The following UBL3 variants were observed in gnomAD, a reference collection of about 807,000 sequenced individuals.
UBL3 encodes ubiquitin-like protein 3.
UBL3 carries 6 observed loss-of-function variants against 18.4 expected under a neutral mutation model. The ratio of observed to expected loss-of-function variants is 0.33; its 90% CI spans 0.18 to 0.64. The LOEUF (loss-of-function observed/expected upper bound fraction) is 0.64, where lower values mean the gene tolerates loss of function less well. UBL3 is among the 30% of genes least tolerant of loss of function. UBL3 has a pLI of 0.76. For missense variants in UBL3, 109 were observed against 142.9 expected, an observed-to-expected ratio of 0.76 and a Z score of 1.21; for synonymous variants, 49 against 46.6, an observed-to-expected ratio of 1.05 and a Z score of -0.21.
At chr13:29,770,180 C>T (rs117001809) in intron 3 of UBL3, among the ~76,000 whole-genome samples, 163 of 152,176 alleles carry the variant, frequency 1.1e-3, no homozygotes, top group Non-Finnish European at 1.2e-3. Context: ...TCCCTGTGTG[C>T]TATCTTCTTT....
At chr13:29,822,858 T>C (rs914312023) in intron 1 of UBL3, among the ~76,000 whole-genome samples, 4 of 152,178 alleles carry the variant, frequency 2.6e-5, no homozygotes, top group Admixed American at 1.3e-4. Flanking sequence ...CATAATTAAA[T>C]TTGATCTTTA....
chr13:29,846,358 T>C (rs1220370066), intron 1 of UBL3, among the ~76,000 whole-genome samples: 1 of 152,130 alleles, frequency 6.6e-6, no homozygotes, highest in Non-Finnish European at 1.5e-5. Context: ...ACATATATAT[T>C]GCAGAATGTA....
chr13:29,779,180 T>A, intron 1 of UBL3: 1 of 492,904 alleles, frequency 2.0e-6, no homozygotes, highest in Non-Finnish European at 4.0e-6. Flanking sequence ...AAATCAGTAA[T>A]GAGCAATTCT....
intron 1 of UBL3, 198 bp from the exon 2 acceptor site, chr13:29,777,461 G>A (rs1352900598): frequency 1.5e-6 from 1 of 675,486 alleles, no homozygotes; most frequent in Non-Finnish European, 2.7e-6. Context: ...TTTAAAGGGT[G>A]TGTGTGTGTG....
At chr13:29,834,043 AG>A (rs757210240) in intron 1 of UBL3, among the ~76,000 whole-genome samples, 11 of 152,112 alleles carry the variant, frequency 7.2e-5, no homozygotes, top group Non-Finnish European at 1.3e-4. Flanking sequence ...AAAATTAGCC[AG>A]GCACAGGTGG....
chr13:29,780,417 T>TAA (rs1265898329), intron 1 of UBL3, among the ~76,000 whole-genome samples: 2 of 140,688 alleles, frequency 1.4e-5, no homozygotes, highest in African/African-American at 2.6e-5. Flanking sequence ...TATATATATA[T>TAA]AATAAGTTAT....
At chr13:29,845,534 G>GTA (rs1183514755) in intron 1 of UBL3, among the ~76,000 whole-genome samples, 4 of 151,818 alleles carry the variant, frequency 2.6e-5, no homozygotes, top group African/African-American at 9.7e-5. Context: ...TTTTCTCCTG[G>GTA]TATATTCAAC....
chr13:29,818,193 G>C (rs1878332991), intron 1 of UBL3, among the ~76,000 whole-genome samples: 1 of 152,110 alleles, frequency 6.6e-6, no homozygotes, highest in Admixed American at 6.5e-5. Flanking sequence ...TAAGAAAACA[G>C]TCATACTCTA....
intron 1 of UBL3, chr13:29,777,591 A>G: frequency 8.8e-6 from 3 of 339,618 alleles, no homozygotes; most frequent in South Asian, 7.5e-5. Flanking sequence ...ATTATTATAG[A>G]ATATACATTT....
intron 1 of UBL3, among the ~76,000 whole-genome samples, chr13:29,847,900 C>CA (rs1879268003): frequency 6.6e-6 from 1 of 152,084 alleles, no homozygotes; most frequent in Non-Finnish European, 1.5e-5. Context: ...CATGTGTGCA[C>CA]ACCAGAAGAG....
intron 1 of UBL3, among the ~76,000 whole-genome samples, chr13:29,825,652 G>C (rs997062905): frequency 6.6e-6 from 1 of 152,098 alleles, no homozygotes; most frequent in African/African-American, 2.4e-5. Context: ...CTGCAAACAG[G>C]GACAATTTAA....
At chr13:29,788,874 CGCGCGCGCGCACGCGCACGTGT>C (rs1877404767) in intron 1 of UBL3, among the ~76,000 whole-genome samples, 2 of 61,526 alleles carry the variant, frequency 3.3e-5, no homozygotes, top group Non-Finnish European at 1.0e-4. Flanking sequence ...TGTGTGTGCG[CGCGCGCGCGCACGCGCACGTGT>C]GTGCGTGTGT....
At chr13:29,848,195 G>A (rs1394315093) in intron 1 of UBL3, among the ~76,000 whole-genome samples, 1 of 146,574 alleles carries the variant, frequency 6.8e-6, no homozygotes, top group Non-Finnish European at 1.5e-5. Context: ...TGTAATCCCA[G>A]CACTTTGGGA....
chr13:29,823,159 T>C (rs536712637), intron 1 of UBL3, among the ~76,000 whole-genome samples: 2 of 152,224 alleles, frequency 1.3e-5, no homozygotes, highest in Non-Finnish European at 2.9e-5. Context: ...TTTTTTTTCT[T>C]TGAGAAGGAG....
chr13:29,782,253 G>A (rs764363245), intron 1 of UBL3, among the ~76,000 whole-genome samples: 30 of 151,924 alleles, frequency 2.0e-4, no homozygotes, highest in Non-Finnish European at 7.4e-5. Flanking sequence ...AAGCTTGTGA[G>A]AGGAAAACCA....
At position 29,765,048 on chromosome 13, in the gene UBL3, C is replaced by T. The variant is rs895738149; in HGVS notation, c.*2207G>A. 9 of 151,896 alleles carry T rather than the reference C, an allele frequency of 5.9e-5. No homozygotes were observed. The highest frequency in any genetic ancestry group is 1.9e-4 in the African/African-American group (8 of 41,314). 9.4% of individuals were successfully genotyped at this position (151,896 alleles called of 1,614,324 possible). On this transcript the variant is annotated 3_prime_UTR_variant, in exon 5 of 5. Transcript: ENST00000380680. The stretch of plus-strand genomic sequence containing the variant: ...ATTAAGCGACGTAATTCTTTCTCTA[C>T]TAGTGAACCAGTTTATTTCACTTAG...
intron 1 of UBL3, among the ~76,000 whole-genome samples, chr13:29,818,463 T>C (rs1355897655): frequency 6.6e-6 from 1 of 152,214 alleles, no homozygotes; most frequent in African/African-American, 2.4e-5. Context: ...TTTTCTTCCT[T>C]TTCCTTCCAA....
chr13:29,830,365 G>A (rs1245798191), intron 1 of UBL3, among the ~76,000 whole-genome samples: 1 of 152,190 alleles, frequency 6.6e-6, no homozygotes, highest in Non-Finnish European at 1.5e-5. Context: ...AAGGTATTTA[G>A]GGAAAAAGTT....
chr13:29,832,069 T>C lies in UBL3; in HGVS notation c.27+17443A>G, dbSNP rs1036771892. ...AGAACATTTCCATGATTGTGCTAAG[T>C]TCTATCAGACACCTGCAGTGCTAAT... On this transcript the variant is annotated intron_variant, in intron 1 of 4. Coordinates refer to ENST00000380680, the MANE Select transcript of UBL3 (RefSeq NM_007106.4). Among the ~76,000 whole-genome samples, 3 of 152,192 alleles carry C rather than the reference T, an allele frequency of 2.0e-5. No individual in the cohort carries two copies. The East Asian group carries it at 5.8e-4, about 29-fold the overall frequency.
Sources: allele counts gnomAD v4.1 joint callset (sites outside exome capture counted in the v4.1 genomes callset), GRCh38; gene constraint gnomAD v4.1.1; transcripts MANE v1.5; gene names NCBI Gene and HGNC (gene_info 2026-07-23, HGNC 2026-07-21).